Variants in ZMIZ2 observed in about 807,000 individuals in gnomAD.
The protein encoded by ZMIZ2 is zinc finger MIZ-type containing 2.
ZMIZ2 carries 26 observed loss-of-function variants against 93.9 expected under a neutral mutation model. The ratio of observed to expected loss-of-function variants is 0.28; its 90% CI spans 0.20 to 0.38. The LOEUF (loss-of-function observed/expected upper bound fraction) is 0.38, where lower values mean the gene tolerates loss of function less well. Ranked by LOEUF, ZMIZ2 falls within the 10% of genes least tolerant of loss-of-function variation. The pLI, the probability that ZMIZ2 is intolerant of heterozygous loss-of-function variation, is 1.00. For synonymous variants in ZMIZ2, 485 were observed against 516.4 expected (o/e 0.94, Z 0.82); for missense variants, 1,023 against 1,235.0 (o/e 0.83, Z 2.57).
rs560056223 is a variant in ZMIZ2, at chr7:44,765,759, G to A, written c.2242+180G>A. The stretch of plus-strand genomic sequence containing the variant: ...GCCCCTCCCATCTCAGGGACGTGGC[G>A]GTGAAGGCACAGTCTCAGCTATGGT... On this transcript the variant is annotated intron_variant, in intron 16 of 18. Coordinates refer to ENST00000309315, the MANE Select transcript of ZMIZ2 (RefSeq NM_031449.4). The surrounding 1 kb of genome is among the most constrained non-coding windows in gnomAD (Gnocchi z 4.1). The A allele has an allele frequency of 3.2e-5, 34 of 1,074,962 alleles. No individual in the cohort carries two copies. The Admixed American group carries it at 6.2e-4, about 20-fold the overall frequency. The allele number at this position is 1,074,962 out of a possible 1,614,324, so 66.6% of individuals were successfully genotyped here. A position where few individuals can be genotyped will look rare whatever the true frequency, so the allele number is the denominator to read the frequency against.
intron 3 of ZMIZ2, 143 bp from the exon 4 acceptor site, chr7:44,756,804 T>C: frequency 9.4e-7 from 1 of 1,062,282 alleles, no homozygotes. Context: ...ACAGCTGCTT[T>C]CCCTGCTTCC....
intron 5 of ZMIZ2, 101 bp downstream of exon 5, chr7:44,757,662 G>T: frequency 6.8e-7 from 1 of 1,467,252 alleles, no homozygotes; most frequent in Non-Finnish European, 9.0e-7. Flanking sequence ...CATGGAATAT[G>T]CCAGGGCTCA....
At chr7:44,757,234 C>T (rs1257155078) in intron 4 of ZMIZ2, 85 bp downstream of exon 4, 16 of 1,506,490 alleles carry the variant, frequency 1.1e-5, no homozygotes, top group Middle Eastern at 2.3e-4. Context: ...ATCAGCTGGA[C>T]GTTCCCTCTC....
rs778099487 is a variant in ZMIZ2 at position 44,756,237 on chromosome 7, T to A, written c.-13T>A. 1.2e-6 allele frequency: 2 copies of A among 1,614,014 alleles called. No individual in the cohort carries two copies. Among genetic ancestry groups the A allele is most frequent in the South Asian group, 2.2e-5 (2 of 91,092 alleles). On this transcript the variant is annotated 5_prime_UTR_variant, in exon 2 of 19. Coordinates refer to ENST00000309315, the MANE Select transcript of ZMIZ2 (RefSeq NM_031449.4). ...AAACTGTCAGACCCGGCCTGTAGGC[T>A]GCTCCATTGCCAATGAACTCCATGA... is the stretch of plus-strand genomic sequence containing the variant.
intron 11 of ZMIZ2, 100 bp downstream of exon 11, chr7:44,762,005 G>A (rs1397024490): frequency 8.3e-7 from 1 of 1,207,348 alleles, no homozygotes; most frequent in East Asian, 3.1e-5. Flanking sequence ...TGTGGGCGGG[G>A]CCTGGCCCAG....
At chr7:44,754,291 C>T (rs965314493) in intron 1 of ZMIZ2, among the ~76,000 whole-genome samples, 2 of 152,212 alleles carry the variant, frequency 1.3e-5, no homozygotes, top group Non-Finnish European at 2.9e-5. Flanking sequence ...CTGGAGCCTT[C>T]TGGAGCCATC....
At chr7:44,752,786 T>C (rs746658983) in intron 1 of ZMIZ2, among the ~76,000 whole-genome samples, 5 of 152,244 alleles carry the variant, frequency 3.3e-5, no homozygotes, top group Non-Finnish European at 5.9e-5. Context: ...TTCCATTCCA[T>C]AGCTCTTGCA....
rs979125249 is a variant in ZMIZ2 at position 44,768,264 on chromosome 7, G to C, written c.*641G>C. The C allele has an allele frequency of 1.8e-4, 27 of 154,126 alleles. No individual in the cohort carries two copies. The highest frequency in any genetic ancestry group is 3.5e-4 in the Non-Finnish European group (24 of 69,162). 9.5% of individuals were successfully genotyped at this position (154,126 alleles called of 1,614,324 possible). On this transcript the variant is annotated 3_prime_UTR_variant, in exon 19 of 19. Transcript: ENST00000309315. ...AAAGCACAACAATGTACATAGTGTAGAAACACTAACAGCTGGGAGAGGGGA... is the reference window on the plus strand; with the variant it reads ...AAAGCACAACAATGTACATAGTGTACAAACACTAACAGCTGGGAGAGGGGA...
rs561143759 is a variant in ZMIZ2, at chr7:44,751,704, C to G, written c.-63+2713C>G. 4.4e-4 allele frequency among the ~76,000 whole-genome samples: 67 copies of G among 152,280 alleles called. 1 individual carries two copies. Among genetic ancestry groups the G allele is most frequent in the Middle Eastern group, 6.8e-3 (2 of 294 alleles). Reference sequence around the variant, plus strand: ...GACACAGTGGTGCTCACCTCTAATCCCAGCACTTTGGGAGGCCGAGGTGGG... The same window carrying G: ...GACACAGTGGTGCTCACCTCTAATCGCAGCACTTTGGGAGGCCGAGGTGGG... On this transcript the variant is annotated intron_variant, in intron 1 of 18. Transcript: ENST00000309315.
chr7:44,759,843 G>T, intron 7 of ZMIZ2: 1 of 493,420 alleles, frequency 2.0e-6, no homozygotes, highest in Admixed American at 3.8e-5. Context: ...CCTCGCTGCT[G>T]GCCATGTACC....
chr7:44,766,315 C>T lies in ZMIZ2; in HGVS notation c.2394C>T (p.Thr798=), dbSNP rs371764582. ...PSSLLTSEKS[T]ACLPSQMAPA... ...GCCTCCTGACTTCAGAGAAGTCTAC[C>T]GCCTGCCTCCCAAGCCAGGTCAGTG... is the stretch of plus-strand genomic sequence containing the variant. The change falls in exon 17 of 19, where the codon ACC becomes ACT. Residue 798 remains threonine (T), a synonymous_variant. Transcript: ENST00000309315. The surrounding 1 kb of genome is among the most constrained non-coding windows in gnomAD (Gnocchi z 4.4). The T allele has an allele frequency of 4.0e-5, 64 of 1,595,248 alleles. No homozygotes were observed. The highest frequency in any genetic ancestry group is 5.1e-5 in the Non-Finnish European group (60 of 1,171,466).
At position 44,765,912 on chromosome 7, in the gene ZMIZ2, T is replaced by G; in HGVS notation, c.2243-252T>G. 1 of 1,386,732 alleles carries G rather than the reference T, an allele frequency of 7.2e-7. No homozygotes were observed. The highest frequency in any genetic ancestry group is 9.3e-7 in the Non-Finnish European group (1 of 1,072,896). The allele number at this position is 1,386,732 out of a possible 1,614,324, so 85.9% of individuals were successfully genotyped here. A position where few individuals can be genotyped will look rare whatever the true frequency, so the allele number is the denominator to read the frequency against. ...TCTGGGACCCACCTCACACGCGTGG[T>G]GCGTTTGTTTGTGGCTGCTCCCATT... On this transcript the variant is annotated intron_variant, in intron 16 of 18. Coordinates refer to ENST00000309315, the MANE Select transcript of ZMIZ2 (RefSeq NM_031449.4). The surrounding 1 kb of genome is among the most constrained non-coding windows in gnomAD (Gnocchi z 4.1).
chr7:44,763,677 T>G lies in ZMIZ2; in HGVS notation c.1860+264T>G. 3.9e-6 allele frequency: 2 copies of G among 509,504 alleles called. 1 individual carries two copies. The highest frequency in any genetic ancestry group is 5.0e-5 in the South Asian group (2 of 40,210). 31.6% of individuals were successfully genotyped at this position (509,504 alleles called of 1,614,324 possible). ...GTTCAAGTTTTGAAAGGCATAAGAT[T>G]GCAGGGTCCAGTCTTCCTGCCCTAC... is the stretch of plus-strand genomic sequence containing the variant. On this transcript the variant is annotated intron_variant, in intron 13 of 18. Transcript: ENST00000309315. This position sits in a 1 kb window ranked among gnomAD's most constrained non-coding sequence, Gnocchi z 5.6.
At position 44,757,108 on chromosome 7, in the gene ZMIZ2, C is replaced by T. The variant is rs1004591404; in HGVS notation, c.327C>T (p.Tyr109=). The part of the protein sequence containing the change: ...ANKGYVQQGV[Y]SRGGYPGAPG... ...AGGGCTACGTGCAGCAAGGCGTGTA[C>T]AGCCGCGGGGGCTACCCTGGGGCCC... Residue 109 remains tyrosine, a synonymous_variant, in exon 4 of 19, where the codon TAC becomes TAT. Transcript: ENST00000309315. 2 of 1,602,460 alleles carry T rather than the reference C, an allele frequency of 1.2e-6. No homozygotes were observed. Among genetic ancestry groups the T allele is most frequent in the South Asian group, 1.1e-5 (1 of 89,990 alleles).
Position 44,756,260 on chromosome 7 carries a change from T to G in ZMIZ2, c.11T>G (p.Met4Arg). MNS[M>R]NPMKPALPPA... Reference sequence around the variant, plus strand: ...GCTGCTCCATTGCCAATGAACTCCATGAACCCCATGAAACCTGCCCTGCCC... The same window carrying G: ...GCTGCTCCATTGCCAATGAACTCCAGGAACCCCATGAAACCTGCCCTGCCC... The change falls in exon 2 of 19, where the codon ATG (methionine) becomes AGG (arginine). Residue 4 changes from methionine (M) to arginine (R), a missense_variant. By Grantham distance (91) the Met-to-Arg change is moderately conservative. Transcript: ENST00000309315. 2 of 1,614,022 alleles carry G rather than the reference T, an allele frequency of 1.2e-6. No homozygotes were observed. Among genetic ancestry groups the G allele is most frequent in the Non-Finnish European group, 1.7e-6 (2 of 1,179,992 alleles).
chr7:44,759,557 G>A (rs2116768926), intron 7 of ZMIZ2, 97 bp downstream of exon 7: 2 of 1,163,364 alleles, frequency 1.7e-6, no homozygotes, highest in Non-Finnish European at 2.2e-6. Flanking sequence ...GCGACAGGGT[G>A]GCTAAAGGGG....
chr7:44,758,227 C>T (rs1250642358), intron 6 of ZMIZ2, 119 bp downstream of exon 6: 1 of 1,318,026 alleles, frequency 7.6e-7, no homozygotes, highest in Non-Finnish European at 9.9e-7. Context: ...CGCCTGTAGT[C>T]CCTGCACTTT....
intron 1 of ZMIZ2, among the ~76,000 whole-genome samples, chr7:44,751,332 C>A (rs1049762803): frequency 6.6e-6 from 1 of 152,248 alleles, no homozygotes; most frequent in African/African-American, 2.4e-5. Flanking sequence ...TGGGCTTAGG[C>A]CCCAGCCCAT....
At position 44,763,548 on chromosome 7, in the gene ZMIZ2, C is replaced by T. The variant is rs1583650944; in HGVS notation, c.1860+135C>T. 1.1e-5 allele frequency: 14 copies of T among 1,260,562 alleles called. No individual in the cohort carries two copies. Among genetic ancestry groups the T allele is most frequent in the African/African-American group, 1.5e-5 (1 of 66,426 alleles). 78.1% of individuals were successfully genotyped at this position (1,260,562 alleles called of 1,614,324 possible). A position where few individuals can be genotyped will look rare whatever the true frequency, so the allele number is the denominator to read the frequency against. On this transcript the variant is annotated intron_variant, in intron 13 of 18. Coordinates refer to ENST00000309315, the MANE Select transcript of ZMIZ2 (RefSeq NM_031449.4). The surrounding 1 kb of genome is among the most constrained non-coding windows in gnomAD (Gnocchi z 5.6). ...TCAGGCTGACAGGACAGGCCTCCCA[C>T]GCCAAGGAGGCAGGTGGGCCTGGCT...
Sources: gnomAD v4.1 joint callset for allele counts (sites outside exome capture counted in the v4.1 genomes callset) on GRCh38, gnomAD v4.1.1 for gene constraint, Gnocchi (gnomAD v3.1) non-coding constraint, MANE v1.5 for transcripts, NCBI Gene and HGNC (gene_info 2026-07-23, HGNC 2026-07-21) for gene names.